The following STOX2 variants were observed in gnomAD, a reference collection of about 807,000 sequenced individuals.
The protein encoded by STOX2 is storkhead box 2.
Under a neutral mutation model 60.9 loss-of-function variants are expected in STOX2, and 28 were observed. The ratio of observed to expected loss-of-function variants is 0.46; its 90% confidence interval spans 0.34 to 0.63. The LOEUF (loss-of-function observed/expected upper bound fraction) is 0.63, where lower values mean the gene tolerates loss of function less well. STOX2 is among the 30% of genes least tolerant of loss of function. The pLI, the probability that STOX2 is intolerant of heterozygous loss-of-function variation, is 0.01. For synonymous variants in STOX2, 472 were observed against 463.9 expected (o/e 1.02, Z -0.22); for missense variants, 1,024 against 1,187.7 (o/e 0.86, Z 2.03).
chr4:184,017,462 G>C lies in STOX2; in HGVS notation c.*178G>C. ...CAAAAAATCTTTATTTCAGAGTATT[G>C]CTTTTCACATTTATGGCTCTGTAGC... On this transcript the variant is annotated 3_prime_UTR_variant, in exon 4 of 4. Transcript: ENST00000308497. 1 of 572,586 alleles carries C rather than the reference G, an allele frequency of 1.7e-6. No homozygotes were observed. The highest frequency in any genetic ancestry group is 3.0e-6 in the Non-Finnish European group (1 of 330,826). 35.5% of individuals were successfully genotyped at this position (572,586 alleles called of 1,614,324 possible).
At position 183,961,982 on chromosome 4, in the gene STOX2, G is replaced by C. The variant is rs1036281805; in HGVS notation, c.167-39343G>C. ...GAGTCCTTTGTCTAAAACAAAGCAG[G>C]GTGCGGTGACCCCATGAAGAGAAAT... is the stretch of plus-strand genomic sequence containing the variant. On this transcript the variant is annotated intron_variant, in intron 1 of 3. Transcript: ENST00000308497. 3.2e-4 allele frequency among the ~76,000 whole-genome samples: 49 copies of C among 152,198 alleles called. 1 individual carries two copies. Among genetic ancestry groups the C allele is most frequent in the African/African-American group, 1.2e-3 (48 of 41,448 alleles).
At chr4:183,842,848 T>G (rs1739895128) in intron 1 of STOX2, among the ~76,000 whole-genome samples, 1 of 151,958 alleles carries the variant, frequency 6.6e-6, no homozygotes, top group Non-Finnish European at 1.5e-5. Context: ...TTTTTTTTTT[T>G]GAAATAAAAA....
intron 1 of STOX2, among the ~76,000 whole-genome samples, chr4:183,991,657 G>A (rs1041433900): frequency 6.6e-6 from 1 of 152,088 alleles, no homozygotes; most frequent in Non-Finnish European, 1.5e-5. Flanking sequence ...TTGAACTCCT[G>A]ACCTGATCCA....
Position 183,990,449 on chromosome 4 carries a change from G to A in STOX2, c.167-10876G>A, listed in dbSNP as rs116307279. Among the ~76,000 whole-genome samples, 380 of 152,026 alleles carry A rather than the reference G, an allele frequency of 2.5e-3. 1 individual carries two copies. Among genetic ancestry groups the A allele is most frequent in the African/African-American group, 8.8e-3 (365 of 41,480 alleles). ...TATATCTTATATTCCCACCTAAATT[G>A]TAATCTCATTGAAGGCAGAGATCAA... On this transcript the variant is annotated intron_variant, in intron 1 of 3. Transcript: ENST00000308497.
At position 183,887,867 on chromosome 4, in the gene STOX2, C is replaced by G. The variant is rs182036928; in HGVS notation, c.364+89812C>G. 2.7e-3 allele frequency among the ~76,000 whole-genome samples: 413 copies of G among 152,334 alleles called. 6 individuals carry two copies. Among genetic ancestry groups the G allele is most frequent in the Admixed American group, 0.024 (372 of 15,300 alleles). ...CAAGCTATCCTTATGCTTCAGCCTC[C>G]TGAGTAGCTGGGACTATAAGTGTAT... On this transcript the variant is annotated intron_variant, in intron 1 of 2. Transcript: ENST00000513034.
chr4:183,857,746 G>A (rs978558309), intron 1 of STOX2, among the ~76,000 whole-genome samples: 2 of 152,030 alleles, frequency 1.3e-5, no homozygotes, highest in Non-Finnish European at 2.9e-5. Context: ...GTCCCTGTCT[G>A]CTTTGCAGCC....
Position 184,017,289 on chromosome 4 carries a change from CCTT to C in STOX2, c.*8_*10del, listed in dbSNP as rs1258164973. On this transcript the variant is annotated 3_prime_UTR_variant, in exon 4 of 4. Transcript: ENST00000308497. Reference sequence around the variant, plus strand: ...GCTTCTGTTACTAGCGTGTGATTGTCCTTCTGCCTCAGATCTTCTGTCTCATTC... The same window carrying C: ...GCTTCTGTTACTAGCGTGTGATTGTCCTGCCTCAGATCTTCTGTCTCATTC... 1 of 1,580,940 alleles carries C rather than the reference CCTT, an allele frequency of 6.3e-7. No homozygotes were observed. Among genetic ancestry groups the C allele is most frequent in the Middle Eastern group, 1.7e-4 (1 of 5,998 alleles).
At chr4:183,966,529 G>A (rs1197584954) in intron 1 of STOX2, among the ~76,000 whole-genome samples, 3 of 152,164 alleles carry the variant, frequency 2.0e-5, no homozygotes, top group Non-Finnish European at 2.9e-5. Context: ...CCCTCCCGGC[G>A]GCGCCTCCCC....
At chr4:183,896,948 GGGTTA>G (rs1160875999) in intron 1 of STOX2, among the ~76,000 whole-genome samples, 4 of 152,096 alleles carry the variant, frequency 2.6e-5, no homozygotes, top group African/African-American at 9.7e-5. Context: ...TGTCATTTGG[GGGTTA>G]GTTAAATATG....
At chr4:183,807,106 G>A (rs1177761931) in intron 1 of STOX2, among the ~76,000 whole-genome samples, 4 of 152,024 alleles carry the variant, frequency 2.6e-5, no homozygotes, top group Non-Finnish European at 5.9e-5. Flanking sequence ...CCGAGTAGCT[G>A]GGACTGCAGG....
chr4:183,990,713 T>C (rs1733072680), intron 1 of STOX2, among the ~76,000 whole-genome samples: 1 of 149,426 alleles, frequency 6.7e-6, no homozygotes, highest in Admixed American at 6.8e-5. Flanking sequence ...TGCATGCCAC[T>C]CTAGAAGTTG....
chr4:183,851,353 GAAAGGATGAGGGAAAGGATGAGA>G (rs1740129727), intron 1 of STOX2, among the ~76,000 whole-genome samples: 1 of 88,834 alleles, frequency 1.1e-5, no homozygotes, highest in Non-Finnish European at 2.5e-5. Flanking sequence ...AAGGATGAGA[GAAAGGATGAGGGAAAGGATGAGA>G]GAAACGATGA....
Position 184,011,205 on chromosome 4 carries a change from C to A in STOX2, c.2367C>A (p.Asn789Lys). Residue 789 changes from asparagine (N) to lysine (K), a missense_variant, in exon 3 of 4, where the codon AAC becomes AAA. Asn to Lys is a moderately conservative substitution (Grantham distance 94). Around this residue, in one of 3 missense-constraint regions of STOX2, gnomAD observed 922 missense variants for 1,058.3 expected, o/e 0.87. Coordinates refer to ENST00000308497, the MANE Select transcript of STOX2 (RefSeq NM_020225.3). The surrounding 1 kb of genome is among the most constrained non-coding windows in gnomAD (Gnocchi z 4.4). Reference protein sequence around the residue: ...DDDSEEGANKNTEEEKNREDV... With the variant: ...DDDSEEGANKKTEEEKNREDV... ...ACTCTGAGGAAGGGGCAAACAAGAA[C>A]ACAGAGGAGGAGAAAAATAGAGAGG... 6.2e-7 allele frequency: 1 copy of A among 1,605,036 alleles called. No individual in the cohort carries two copies. The highest frequency in any genetic ancestry group is 1.1e-5 in the South Asian group (1 of 89,506).
chr4:183,944,922 A>C (rs1305638732), intron 1 of STOX2, among the ~76,000 whole-genome samples: 1 of 152,242 alleles, frequency 6.6e-6, no homozygotes, highest in Non-Finnish European at 1.5e-5. Flanking sequence ...TCAGCAAAAA[A>C]GACACAGCTT....
chr4:183,860,447 A>AAAG (rs1740408827), intron 1 of STOX2, among the ~76,000 whole-genome samples: 1 of 139,312 alleles, frequency 7.2e-6, no homozygotes, highest in African/African-American at 3.2e-5. Context: ...AAAAACAAAA[A>AAAG]AAAAAAAAAA....
rs563435315 is a variant in STOX2, at chr4:184,009,322, G to A, written c.484G>A (p.Glu162Lys). 12 of 1,613,850 alleles carry A rather than the reference G, an allele frequency of 7.4e-6. No homozygotes were observed. Among genetic ancestry groups the A allele is most frequent in the South Asian group, 6.6e-5 (6 of 91,064 alleles). The change falls in exon 3 of 4, where the codon GAG (glutamate) becomes AAG (lysine). Residue 162 changes from glutamate to lysine, a missense_variant. Physicochemically the swap from Glu to Lys is moderately conservative, Grantham distance 56 (BLOSUM62 1). Coordinates refer to ENST00000308497, the MANE Select transcript of STOX2 (RefSeq NM_020225.3). The surrounding 1 kb of genome is among the most constrained non-coding windows in gnomAD (Gnocchi z 4.0). ...TAACAGTAAATGGTACCATTTGGAC[G>A]AGAGGATACCTGACCGGTCTCAGTG... Reference protein sequence around the residue: ...RTNSKWYHLDERIPDRSQCTS... With the variant: ...RTNSKWYHLDKRIPDRSQCTS...
At chr4:184,005,081 A>C (rs140190545) in intron 2 of STOX2, among the ~76,000 whole-genome samples, 56 of 152,372 alleles carry the variant, frequency 3.7e-4, no homozygotes, top group Non-Finnish European at 7.1e-4. Context: ...ATGCTCATTA[A>C]AGCGTTTCAC....
At chr4:183,902,199 A>G (rs1741478015), upstream of STOX2, among the ~76,000 whole-genome samples, 1 of 152,206 alleles carries the variant, frequency 6.6e-6, no homozygotes, top group Admixed American at 6.5e-5. Context: ...TGGAGTTTAC[A>G]TTCTTCTAAC....
intron 1 of STOX2, among the ~76,000 whole-genome samples, chr4:183,911,457 A>C (rs928510228): frequency 6.6e-6 from 1 of 152,158 alleles, no homozygotes; most frequent in Non-Finnish European, 1.5e-5. Context: ...GAAACTACCT[A>C]TGTTGACTCC....
Sources: gnomAD v4.1 joint callset for allele counts (sites outside exome capture counted in the v4.1 genomes callset) on GRCh38, gnomAD v4.1.1 for gene constraint, gnomAD v4.1.1 regional missense constraint, Gnocchi (gnomAD v3.1) non-coding constraint, MANE v1.5 for transcripts, NCBI Gene and HGNC (gene_info 2026-07-23, HGNC 2026-07-21) for gene names.